DCTN6: variants seen among roughly 807,000 people sequenced by gnomAD.
DCTN6 encodes the protein dynactin 6.
A neutral mutation model predicts 25.8 loss-of-function variants in DCTN6; 15 were observed. The ratio of observed to expected loss-of-function variants is 0.58; its 90% CI spans 0.39 to 0.89. The LOEUF (loss-of-function observed/expected upper bound fraction) is 0.89. Among genes scored for constraint, DCTN6 ranks in the 40% least tolerant of loss-of-function variants. The pLI, the probability that DCTN6 is intolerant of heterozygous loss-of-function variation, is 0.00. For synonymous variants in DCTN6, 64 were observed against 78.3 expected, an observed-to-expected ratio of 0.82 and a Z score of 0.96; for missense variants, 198 against 237.6, an observed-to-expected ratio of 0.83 and a Z score of 1.09.
At chr8:30,168,428 A>T (rs1019824623) in intron 2 of DCTN6, among the ~76,000 whole-genome samples, 2 of 152,208 alleles carry the variant, frequency 1.3e-5, no homozygotes, top group African/African-American at 4.8e-5. Context: ...CAAAGAGTGG[A>T]GATAAGTCAT....
chr8:30,164,237 T>C, intron 2 of DCTN6, 62 bp downstream of exon 2: 1 of 1,284,288 alleles, frequency 7.8e-7, no homozygotes, highest in Middle Eastern at 2.0e-4. Context: ...TTTTAGTGCT[T>C]TACAATTAGA....
chr8:30,177,892 A>T (rs781277691), intron 4 of DCTN6, among the ~76,000 whole-genome samples: 18 of 152,344 alleles, frequency 1.2e-4, no homozygotes, highest in Non-Finnish European at 1.5e-4. Context: ...TTAGCTCAGC[A>T]CTTTGAAAGA....
chr8:30,175,234 G>C, intron 3 of DCTN6, 44 bp downstream of exon 3: 9 of 1,546,792 alleles, frequency 5.8e-6, no homozygotes, highest in Non-Finnish European at 8.0e-6. Flanking sequence ...CATGGGTAAC[G>C]GTTTTTCTTA....
In DCTN6 at chr8:30,182,271, G is replaced by A. The variant is rs112460093; in HGVS notation, c.475-804G>A. On this transcript the variant is annotated intron_variant, in intron 6 of 6. Coordinates refer to ENST00000221114, the MANE Select transcript of DCTN6 (RefSeq NM_006571.4). ...CTTACTGAGTCACAGTGCTAGGGCA[G>A]GGGCCTAAAAATCTATATTTTTCAC... 1.0e-2 allele frequency among the ~76,000 whole-genome samples: 1,520 copies of A among 152,264 alleles called. 20 individuals carry two copies. The highest frequency in any genetic ancestry group is 0.065 in the South Asian group (312 of 4,826).
At chr8:30,156,429 G>C in intron 1 of DCTN6, 23 bp downstream of exon 1, 1 of 1,596,086 alleles carries the variant, frequency 6.3e-7, no homozygotes, top group Non-Finnish European at 8.5e-7. Flanking sequence ...CTTGAGAAAA[G>C]CCTTTTCTCA....
At chr8:30,173,731 T>TAAAA (rs371782984) in intron 2 of DCTN6, among the ~76,000 whole-genome samples, 3 of 96,046 alleles carry the variant, frequency 3.1e-5, no homozygotes, top group Non-Finnish European at 4.6e-5. Context: ...CCCTGTCTCT[T>TAAAA]AAAAAAAAAA....
intron 4 of DCTN6, among the ~76,000 whole-genome samples, chr8:30,178,372 A>G (rs1803870402): frequency 6.6e-6 from 1 of 151,564 alleles, no homozygotes; most frequent in South Asian, 2.1e-4. Flanking sequence ...CTGAGGCAGG[A>G]GAATCACTTG....
At chr8:30,162,142 T>C (rs948228488) in intron 1 of DCTN6, among the ~76,000 whole-genome samples, 1 of 151,768 alleles carries the variant, frequency 6.6e-6, no homozygotes, top group South Asian at 2.1e-4. Flanking sequence ...CAGGCTGGAG[T>C]GCAGTGGCGC....
chr8:30,175,543 A>AT (rs1172987635), intron 3 of DCTN6, among the ~76,000 whole-genome samples: 4 of 142,358 alleles, frequency 2.8e-5, no homozygotes, highest in Admixed American at 2.8e-4. Flanking sequence ...TTTTTTTTTG[A>AT]TTTTTTGGTT....
chr8:30,177,279 T>G (rs947010596), intron 4 of DCTN6, 65 bp downstream of exon 4: 1 of 1,301,686 alleles, frequency 7.7e-7, no homozygotes, highest in Non-Finnish European at 1.1e-6. Flanking sequence ...AGTCTTCTCC[T>G]GTAGAAATTG....
Position 30,156,405 on chromosome 8 carries a change from A to G in DCTN6, c.22A>G (p.Ser8Gly). 1 of 1,604,886 alleles carries G rather than the reference A, an allele frequency of 6.2e-7. No homozygotes were observed. The highest frequency in any genetic ancestry group is 8.5e-7 in the Non-Finnish European group (1 of 1,175,718). Reference protein sequence around the residue: MAEKTQKSVKIAPGAVVC... With the variant: MAEKTQKGVKIAPGAVVC... ...TACCATGGCGGAGAAGACTCAAAAG[A>G]GGTGGGTTTGCTGCTTGAGAAAAGC... is the stretch of plus-strand genomic sequence containing the variant. The change falls in exon 1 of 7, where the codon AGT becomes GGT. Residue 8 changes from serine (S) to glycine (G), a missense_variant and splice_region_variant. Transcript: ENST00000221114.
chr8:30,176,829 G>C (rs1803842277), intron 3 of DCTN6: 1 of 245,554 alleles, frequency 4.1e-6, no homozygotes, highest in African/African-American at 2.3e-5. Context: ...ACAAAAATTA[G>C]CCAGGCCTAG....
At chr8:30,183,049 C>T (rs767707593) in intron 6 of DCTN6, 26 bp from the exon 7 acceptor site, 36 of 1,604,126 alleles carry the variant, frequency 2.2e-5, no homozygotes, top group South Asian at 1.8e-4. Context: ...TTCTGCCAAT[C>T]GGCCTTAATT....
Position 30,164,124 on chromosome 8 carries a change from C to T in DCTN6, c.37C>T (p.Pro13Ser), listed in dbSNP as rs1441124488. Residue 13 changes from proline to serine, a missense_variant, in exon 2 of 7, where the codon CCT becomes TCT. By Grantham distance (74) the Pro-to-Ser change is moderately conservative (BLOSUM62 -1). Transcript: ENST00000221114. ...TTCTTGCTACAGTGTGAAGATTGCT[C>T]CTGGAGCAGTTGTATGTGTAGAAAG... ...EKTQKSVKIA[P>S]GAVVCVESEI... The T allele has an allele frequency of 6.2e-7, 1 of 1,613,688 alleles. No individual in the cohort carries two copies. Among genetic ancestry groups the T allele is most frequent in the Non-Finnish European group, 8.5e-7 (1 of 1,179,638 alleles).
At chr8:30,156,535 C>T in intron 1 of DCTN6, 129 bp downstream of exon 1, 1 of 1,137,548 alleles carries the variant, frequency 8.8e-7, no homozygotes. Flanking sequence ...ACCTGAAGCC[C>T]AGACCTGGCG....
At chr8:30,170,943 T>C (rs1803754684) in intron 2 of DCTN6, among the ~76,000 whole-genome samples, 1 of 152,170 alleles carries the variant, frequency 6.6e-6, no homozygotes, top group African/African-American at 2.4e-5. Flanking sequence ...CCTATTTTAA[T>C]TTTTAAAAAT....
At chr8:30,180,656 G>C in intron 6 of DCTN6, 26 bp downstream of exon 6, 1 of 1,609,900 alleles carries the variant, frequency 6.2e-7, no homozygotes, top group East Asian at 2.2e-5. Flanking sequence ...TTTAAAAAGA[G>C]TTCTATCTGC....
Position 30,166,694 on chromosome 8 carries a change from G to C in DCTN6, c.88+2519G>C, listed in dbSNP as rs190588778. ...TAGGACTGAGTTTTAGGGGTATCAG[G>C]GATCAGTATTCACTTTCCTGTTTCT... On this transcript the variant is annotated intron_variant, in intron 2 of 6. Coordinates refer to ENST00000221114, the MANE Select transcript of DCTN6 (RefSeq NM_006571.4). Among the ~76,000 whole-genome samples the C allele has an allele frequency of 1.7e-3, 255 of 152,112 alleles. 6 individuals are homozygous for C. The highest frequency in any genetic ancestry group is 0.014 in the Admixed American group (215 of 15,268).
intron 2 of DCTN6, among the ~76,000 whole-genome samples, chr8:30,168,781 A>C (rs958202016): frequency 6.6e-6 from 1 of 152,180 alleles, no homozygotes; most frequent in Admixed American, 6.5e-5. Flanking sequence ...TATGACTTGA[A>C]GCTCTGCTGG....
Sources: gnomAD v4.1 joint callset for allele counts (sites outside exome capture counted in the v4.1 genomes callset) on GRCh38, gnomAD v4.1.1 for gene constraint, MANE v1.5 for transcripts, NCBI Gene and HGNC (gene_info 2026-07-23, HGNC 2026-07-21) for gene names.